MICU3: variants seen among roughly 807,000 people sequenced by gnomAD.
The protein encoded by MICU3 is calcium uptake protein 3, mitochondrial.
MICU3 carries 62 observed loss-of-function variants against 66.5 expected under a neutral mutation model. The ratio of observed to expected loss-of-function variants is 0.93; its 90% CI spans 0.76 to 1.15. The LOEUF (loss-of-function observed/expected upper bound fraction) is 1.15. Among genes scored for constraint, MICU3 ranks in the 50% most tolerant of loss-of-function variants. The pLI is 0.00. For missense variants in MICU3, 779 were observed against 664.4 expected, an observed-to-expected ratio of 1.17 and a Z score of -1.90; for synonymous variants, 308 against 240.7, an observed-to-expected ratio of 1.28 and a Z score of -2.59.
intron 1 of MICU3, among the ~76,000 whole-genome samples, chr8:17,036,905 C>T (rs1199016488): frequency 6.6e-6 from 1 of 152,228 alleles, no homozygotes; most frequent in African/African-American, 2.4e-5. Flanking sequence ...GCACAGGAGC[C>T]CACGGAGTGG....
chr8:17,129,631 A>G, the MICU3 span, among the ~76,000 whole-genome samples: 5 of 152,212 alleles, frequency 3.3e-5, no homozygotes, highest in African/African-American at 9.6e-5. Context: ...GAGGAAAAGA[A>G]AAGAATAGCA....
Position 17,119,103 on chromosome 8 carries a change from G to A in MICU3, c.*328G>A, listed in dbSNP as rs111756540. ...TTTGTTTAGTTATTTTAGTTGTCTGGCACTATATTAAGTGTTCTTCCACAG... is the reference window on the plus strand; with the variant it reads ...TTTGTTTAGTTATTTTAGTTGTCTGACACTATATTAAGTGTTCTTCCACAG... On this transcript the variant is annotated intron_variant, in intron 14 of 14. Transcript: ENST00000318063. Among the ~76,000 whole-genome samples, 94 of 152,110 alleles carry A rather than the reference G, an allele frequency of 6.2e-4. 2 individuals are homozygous for A. Among genetic ancestry groups the A allele is most frequent in the African/African-American group, 2.1e-3 (87 of 41,522 alleles).
intron 1 of MICU3, among the ~76,000 whole-genome samples, chr8:17,030,626 G>A (rs1230140049): frequency 1.3e-5 from 2 of 152,328 alleles, no homozygotes; most frequent in Admixed American, 6.5e-5. Context: ...AGAGATGGGA[G>A]GTGTAGTAGT....
At chr8:17,033,811 G>A (rs1423363592) in intron 1 of MICU3, among the ~76,000 whole-genome samples, 1 of 152,164 alleles carries the variant, frequency 6.6e-6, no homozygotes, top group Non-Finnish European at 1.5e-5. Context: ...GCAGAGAATG[G>A]TTCATGAGAT....
the MICU3 span, among the ~76,000 whole-genome samples, chr8:17,129,769 T>C: frequency 6.6e-6 from 1 of 152,138 alleles, no homozygotes; most frequent in Admixed American, 6.5e-5. Context: ...TTCCCAAATT[T>C]GAAGAAATGT....
At chr8:17,042,688 T>C (rs1814356243) in intron 1 of MICU3, among the ~76,000 whole-genome samples, 1 of 152,188 alleles carries the variant, frequency 6.6e-6, no homozygotes, top group Non-Finnish European at 1.5e-5. Context: ...AATCTATGTT[T>C]TCTGCTTTTT....
intron 9 of MICU3, among the ~76,000 whole-genome samples, chr8:17,100,934 A>C (rs552646041): frequency 3.9e-4 from 59 of 151,912 alleles, no homozygotes; most frequent in Non-Finnish European, 7.5e-4. Flanking sequence ...ATTTTGCTTT[A>C]AATTTGCTTT....
At chr8:17,110,823 C>T (rs557860159) in intron 11 of MICU3, among the ~76,000 whole-genome samples, 153 of 152,002 alleles carry the variant, frequency 1.0e-3, no homozygotes, top group African/African-American at 3.5e-3. Context: ...GTGATCCTCC[C>T]ACCTCAACCT....
At chr8:17,066,034 C>A (rs1818627498) in intron 2 of MICU3, among the ~76,000 whole-genome samples, 1 of 150,900 alleles carries the variant, frequency 6.6e-6, no homozygotes, top group Non-Finnish European at 1.5e-5. Context: ...TATGTAGGGC[C>A]ATATAGTGAT....
intron 2 of MICU3, among the ~76,000 whole-genome samples, chr8:17,067,170 A>C (rs1818853450): frequency 6.6e-6 from 1 of 152,226 alleles, no homozygotes; most frequent in Admixed American, 6.5e-5. Flanking sequence ...AAAAGAATAG[A>C]ACAATGTTTC....
At chr8:17,041,311 A>T (rs143435991) in intron 1 of MICU3, among the ~76,000 whole-genome samples, 218 of 152,282 alleles carry the variant, frequency 1.4e-3, no homozygotes, top group African/African-American at 5.0e-3. Context: ...AAGTCAAAAA[A>T]AGGTAATACT....
chr8:17,057,468 C>T (rs1373097133), intron 1 of MICU3, among the ~76,000 whole-genome samples: 1 of 152,082 alleles, frequency 6.6e-6, no homozygotes, highest in Non-Finnish European at 1.5e-5. Context: ...AAGGTTCAAA[C>T]AGTATTAATT....
chr8:17,088,264 G>C (rs1373964211), intron 7 of MICU3, among the ~76,000 whole-genome samples: 1 of 151,862 alleles, frequency 6.6e-6, no homozygotes, highest in East Asian at 1.9e-4. Context: ...AAATCAAAGA[G>C]TTCATTGTAA....
At chr8:17,131,054 G>A in the MICU3 span, 1 of 152,160 alleles carries the variant, frequency 6.6e-6, no homozygotes, top group Non-Finnish European at 1.5e-5. Context: ...ATGATGCCAA[G>A]ACAAGGAGTA....
chr8:17,094,316 C>T (rs1485964736), intron 8 of MICU3, among the ~76,000 whole-genome samples: 5 of 151,788 alleles, frequency 3.3e-5, no homozygotes, highest in Admixed American at 6.6e-5. Flanking sequence ...TATTGAGGAT[C>T]CAAAAGATAT....
intron 2 of MICU3, among the ~76,000 whole-genome samples, chr8:17,066,326 AC>A: frequency 1.3e-5 from 2 of 151,810 alleles, no homozygotes; most frequent in South Asian, 4.2e-4. Flanking sequence ...CAGGAAACTT[AC>A]GATATTATAA....
intron 2 of MICU3, among the ~76,000 whole-genome samples, chr8:17,064,748 A>G (rs1818424870): frequency 6.6e-6 from 1 of 152,184 alleles, no homozygotes; most frequent in African/African-American, 2.4e-5. Flanking sequence ...CTGTATTCTC[A>G]TGTGTGCTTT....
chr8:17,052,911 T>C (rs1377850955), intron 1 of MICU3, among the ~76,000 whole-genome samples: 1 of 152,172 alleles, frequency 6.6e-6, no homozygotes, highest in African/African-American at 2.4e-5. Flanking sequence ...GCCCAGATAA[T>C]ATAGTGTAGA....
intron 1 of MICU3, among the ~76,000 whole-genome samples, chr8:17,058,430 G>C (rs1817313259): frequency 6.6e-6 from 1 of 152,090 alleles, no homozygotes; most frequent in Non-Finnish European, 1.5e-5. Context: ...AAAAGGTCCA[G>C]AACATGAACG....
Sources: allele counts gnomAD v4.1 joint callset (sites outside exome capture counted in the v4.1 genomes callset), GRCh38; gene constraint gnomAD v4.1.1; transcripts MANE v1.5; gene names NCBI Gene and HGNC (gene_info 2026-07-23, HGNC 2026-07-21).